EPHA3: variants seen among roughly 807,000 people sequenced by gnomAD.
The protein encoded by EPHA3 is ephrin type-A receptor 3.
Under a neutral mutation model 107.1 loss-of-function variants are expected in EPHA3, and 42 were observed. The ratio of observed to expected loss-of-function variants is 0.39; its 90% confidence interval spans 0.31 to 0.51. The LOEUF (loss-of-function observed/expected upper bound fraction) is 0.51, where lower values mean the gene tolerates loss of function less well. Among genes scored for constraint, EPHA3 ranks in the 20% least tolerant of loss-of-function variants. The pLI is 0.78. For missense variants in EPHA3, 1,183 were observed against 1,211.2 expected (o/e 0.98, Z 0.35); for synonymous variants, 461 against 424.8 (o/e 1.09, Z -1.05).
chr3:89,164,136 G>C (rs990964667), intron 2 of EPHA3, among the ~76,000 whole-genome samples: 1 of 152,102 alleles, frequency 6.6e-6, no homozygotes, highest in Admixed American at 6.6e-5. Context: ...ATTTAGCAGC[G>C]CATGGATCTA....
chr3:89,415,993 A>G (rs1300837166), intron 10 of EPHA3, among the ~76,000 whole-genome samples: 2 of 151,402 alleles, frequency 1.3e-5, no homozygotes, highest in East Asian at 1.9e-4. Context: ...GGATTAAACA[A>G]GATAAGTTGT....
chr3:89,271,698 G>A (rs1705673407), intron 3 of EPHA3, among the ~76,000 whole-genome samples: 1 of 151,860 alleles, frequency 6.6e-6, no homozygotes, highest in Non-Finnish European at 1.5e-5. Context: ...AAAGGAGGAG[G>A]ATGAGAAGGG....
At chr3:89,429,450 T>C (rs1709520547) in intron 12 of EPHA3, among the ~76,000 whole-genome samples, 1 of 152,106 alleles carries the variant, frequency 6.6e-6, no homozygotes, top group Non-Finnish European at 1.5e-5. Context: ...AAAAGAATCC[T>C]AAAGCAAGTA....
At chr3:89,160,118 C>T (rs1484640082) in intron 2 of EPHA3, among the ~76,000 whole-genome samples, 1 of 151,990 alleles carries the variant, frequency 6.6e-6, no homozygotes, top group South Asian at 2.1e-4. Context: ...TAATCAATTT[C>T]CTTACATTCC....
intron 3 of EPHA3, among the ~76,000 whole-genome samples, chr3:89,269,865 G>A (rs956649470): frequency 1.3e-5 from 2 of 148,180 alleles, no homozygotes; most frequent in African/African-American, 5.0e-5. Context: ...AAATGATTTT[G>A]ATGCATGCCC....
rs1409305578 is a variant in EPHA3 at position 89,227,909 on chromosome 3, A to G, written c.814+17389A>G. ...CAAAAATTGGTTTGGCAAATTTCACACTTACTTTCAGCATTGTAGTTCCTT... is the reference window on the plus strand; with the variant it reads ...CAAAAATTGGTTTGGCAAATTTCACGCTTACTTTCAGCATTGTAGTTCCTT... On this transcript the variant is annotated intron_variant, in intron 3 of 16. Transcript: ENST00000336596. Among the ~76,000 whole-genome samples, 3 of 151,962 alleles carry G rather than the reference A, an allele frequency of 2.0e-5. No individual in the cohort carries two copies. In the East Asian group the frequency reaches 5.8e-4, roughly 29 times the overall value.
chr3:89,165,734 T>A (rs1437019089), intron 2 of EPHA3, among the ~76,000 whole-genome samples: 1 of 152,208 alleles, frequency 6.6e-6, no homozygotes, highest in Non-Finnish European at 1.5e-5. Flanking sequence ...GACATCAGCT[T>A]TTGTGCAACA....
intron 1 of EPHA3, among the ~76,000 whole-genome samples, chr3:89,120,196 A>G (rs1386726494): frequency 7.2e-5 from 11 of 152,180 alleles, no homozygotes; most frequent in Non-Finnish European, 1.2e-4. Context: ...TAATCTTTCA[A>G]AAAGGTCTCT....
chr3:89,132,642 GGAGA>G (rs1329425684), intron 2 of EPHA3, among the ~76,000 whole-genome samples: 7 of 152,170 alleles, frequency 4.6e-5, no homozygotes, highest in African/African-American at 1.4e-4. Flanking sequence ...GACCAAGGCA[GGAGA>G]ATCACTTGAG....
At chr3:89,286,113 TTTC>T (rs1706075693) in intron 3 of EPHA3, among the ~76,000 whole-genome samples, 1 of 140,404 alleles carries the variant, frequency 7.1e-6, no homozygotes. Context: ...GGAGGATCAA[TTTC>T]TACGTGTGTG....
chr3:89,168,385 A>G (rs533249989), intron 2 of EPHA3, among the ~76,000 whole-genome samples: 1 of 152,112 alleles, frequency 6.6e-6, no homozygotes, highest in South Asian at 2.1e-4. Flanking sequence ...ATTTTTTGTG[A>G]TTTTTTATAG....
intron 9 of EPHA3, among the ~76,000 whole-genome samples, chr3:89,410,721 T>A (rs1709142480): frequency 6.6e-6 from 1 of 151,910 alleles, no homozygotes; most frequent in Non-Finnish European, 1.5e-5. Flanking sequence ...TCCAACAAGA[T>A]TTTATTTCCT....
chr3:89,270,536 G>A (rs1705644356), intron 3 of EPHA3, among the ~76,000 whole-genome samples: 1 of 152,056 alleles, frequency 6.6e-6, no homozygotes, highest in Non-Finnish European at 1.5e-5. Flanking sequence ...TGTAGCCTGA[G>A]TATGAATTCA....
intron 5 of EPHA3, among the ~76,000 whole-genome samples, chr3:89,394,726 G>T (rs1708814358): frequency 1.3e-5 from 2 of 152,296 alleles, no homozygotes; most frequent in African/African-American, 4.8e-5. Flanking sequence ...ACAAATACAT[G>T]AGGTTCTTAT....
chr3:89,346,936 G>A (rs1272467128), intron 5 of EPHA3, among the ~76,000 whole-genome samples: 2,141 of 146,042 alleles, frequency 0.015, 46 homozygotes, highest in African/African-American at 0.048. Flanking sequence ...GTAGGTACGC[G>A]GCGTTATTTC....
chr3:89,360,658 A>G lies in EPHA3; in HGVS notation c.1306+18568A>G, dbSNP rs566641243. 4.0e-5 allele frequency among the ~76,000 whole-genome samples: 6 copies of G among 151,116 alleles called. No individual in the cohort carries two copies. In the South Asian group the frequency reaches 1.3e-3, roughly 32 times the overall value. ...GCATCATCTTCCCCAGATTATCGAA[A>G]ATGCTCCCAACTGCATTTCTTTTTT... is the stretch of plus-strand genomic sequence containing the variant. On this transcript the variant is annotated intron_variant, in intron 5 of 16. Coordinates refer to ENST00000336596, the MANE Select transcript of EPHA3 (RefSeq NM_005233.6).
chr3:89,211,463 T>C (rs1284341086), intron 3 of EPHA3, among the ~76,000 whole-genome samples: 2 of 152,048 alleles, frequency 1.3e-5, no homozygotes, highest in Non-Finnish European at 2.9e-5. Context: ...TTTTGTCCAT[T>C]TTAATGCCCT....
intron 5 of EPHA3, among the ~76,000 whole-genome samples, chr3:89,375,120 T>C (rs796111858): frequency 2.2e-4 from 33 of 151,914 alleles, no homozygotes; most frequent in African/African-American, 7.7e-4. Flanking sequence ...GTTTGTGTGT[T>C]TTTTTAGTTT....
intron 3 of EPHA3, among the ~76,000 whole-genome samples, chr3:89,297,777 G>A (rs1706393383): frequency 6.6e-6 from 1 of 152,144 alleles, no homozygotes; most frequent in Non-Finnish European, 1.5e-5. Context: ...GCTCACGCCT[G>A]TAATCCCAGC....
Sources: allele counts gnomAD v4.1 joint callset (sites outside exome capture counted in the v4.1 genomes callset), GRCh38; gene constraint gnomAD v4.1.1; transcripts MANE v1.5; gene names NCBI Gene and HGNC (gene_info 2026-07-23, HGNC 2026-07-21).